The following ROS1 variants were observed in gnomAD, a reference collection of about 807,000 sequenced individuals.
ROS1 encodes the protein proto-oncogene tyrosine-protein kinase ROS.
Under a neutral mutation model 273.5 loss-of-function variants are expected in ROS1, and 263 were observed. The observed-to-expected ratio is 0.96, with a 90% CI of 0.87 to 1.06. ROS1 has a LOEUF of 1.06. Among genes scored for constraint, ROS1 ranks in the 50% least tolerant of loss-of-function variants. The pLI is 0.00. For synonymous variants in ROS1, 1,008 were observed against 954.1 expected (o/e 1.06, Z -1.04); for missense variants, 2,833 against 2,751.1 (o/e 1.03, Z -0.67).
At chr6:117,295,612 G>A (rs1562244872) in intron 43 of ROS1, among the ~76,000 whole-genome samples, 1 of 152,144 alleles carries the variant, frequency 6.6e-6, no homozygotes, top group Non-Finnish European at 1.5e-5. Flanking sequence ...TTAATAACCA[G>A]AATACATAGG....
intron 32 of ROS1, among the ~76,000 whole-genome samples, chr6:117,334,023 G>A (rs902107440): frequency 2.0e-5 from 3 of 152,020 alleles, no homozygotes; most frequent in Non-Finnish European, 4.4e-5. Flanking sequence ...AGAAATAAAG[G>A]GTATTCAAAT....
At chr6:117,359,371 T>C (rs1035097645) in intron 24 of ROS1, among the ~76,000 whole-genome samples, 104 of 152,170 alleles carry the variant, frequency 6.8e-4, no homozygotes, top group African/African-American at 2.5e-3. Flanking sequence ...GGGAACCCTA[T>C]GATGAGGTAT....
At chr6:117,312,146 T>C (rs1467585476) in intron 39 of ROS1, among the ~76,000 whole-genome samples, 1 of 152,150 alleles carries the variant, frequency 6.6e-6, no homozygotes, top group Non-Finnish European at 1.5e-5. Context: ...TGCAGTTCCT[T>C]ATACCTACTC....
At chr6:117,422,310 CA>C (rs35359902) in intron 1 of ROS1, among the ~76,000 whole-genome samples, 1 of 152,252 alleles carries the variant, frequency 6.6e-6, no homozygotes, top group Admixed American at 6.5e-5. Flanking sequence ...CGCACTTAAC[CA>C]AAAGTCATAC....
intron 43 of ROS1, among the ~76,000 whole-genome samples, chr6:117,296,099 C>A (rs1774220225): frequency 6.6e-6 from 1 of 152,126 alleles, no homozygotes; most frequent in Non-Finnish European, 1.5e-5. Context: ...AAGTGTCCAT[C>A]TGTAGATAAA....
At chr6:117,385,615 TG>T in intron 16 of ROS1, 67 bp downstream of exon 16, 1 of 1,363,354 alleles carries the variant, frequency 7.3e-7, no homozygotes, top group Non-Finnish European at 1.0e-6. Context: ...AAAAAGAAAT[TG>T]GTGTGCAAGT....
intron 21 of ROS1, among the ~76,000 whole-genome samples, chr6:117,363,957 T>A (rs1780005277): frequency 6.6e-6 from 1 of 152,206 alleles, no homozygotes. Context: ...TTTGGATAAT[T>A]TCCTGGCTAT....
At chr6:117,368,474 T>C (rs932673678) in intron 18 of ROS1, among the ~76,000 whole-genome samples, 1 of 152,134 alleles carries the variant, frequency 6.6e-6, no homozygotes, top group African/African-American at 2.4e-5. Context: ...AATTCTCAAG[T>C]TCGGAATATG....
chr6:117,398,075 C>CAAACACA (rs1405801742), intron 7 of ROS1, among the ~76,000 whole-genome samples: 2 of 152,168 alleles, frequency 1.3e-5, no homozygotes, highest in African/African-American at 4.8e-5. Context: ...AGCATCATTG[C>CAAACACA]ATCACTCCTC....
At chr6:117,366,514 G>A (rs1780259165) in intron 18 of ROS1, among the ~76,000 whole-genome samples, 1 of 151,766 alleles carries the variant, frequency 6.6e-6, no homozygotes, top group Non-Finnish European at 1.5e-5. Flanking sequence ...ATTTTCTGGG[G>A]GCTTTCCTTG....
At position 117,386,915 on chromosome 6, in the gene ROS1, A is replaced by G. The variant is rs747038362; in HGVS notation, c.2084T>C (p.Leu695Ser). 3.1e-6 allele frequency: 5 copies of G among 1,606,742 alleles called. No homozygotes were observed. Among genetic ancestry groups the G allele is most frequent in the Admixed American group, 3.3e-5 (2 of 59,854 alleles). Residue 695 changes from leucine to serine, a missense_variant, in exon 15 of 44, where the codon TTA (leucine) becomes TCA (serine). Transcript: ENST00000368507. ...TGACACATTTCCTATATCAGAGGAT[A>G]AGAACTCTCCTGGGCCAAAGCTATT... ...PLNSFGPGEFLSSDIGNVSDM... is the reference protein window; with the variant it reads ...PLNSFGPGEFSSSDIGNVSDM...
chr6:117,414,087 CT>C (rs1775146412), intron 4 of ROS1, among the ~76,000 whole-genome samples: 2 of 152,188 alleles, frequency 1.3e-5, no homozygotes, highest in South Asian at 2.1e-4. Flanking sequence ...AAAGGATTCT[CT>C]TTTAATGTCC....
chr6:117,377,330 C>T (rs898739923), intron 18 of ROS1, among the ~76,000 whole-genome samples: 10 of 152,038 alleles, frequency 6.6e-5, no homozygotes, highest in African/African-American at 1.9e-4. Flanking sequence ...AGGCTGGTCT[C>T]GAACTCCTGA....
intron 4 of ROS1, 55 bp downstream of exon 4, chr6:117,414,464 A>C: frequency 1.4e-6 from 1 of 726,890 alleles, no homozygotes; most frequent in Non-Finnish European, 2.5e-6. Flanking sequence ...CTTTTTAGAG[A>C]CCAGAGATGA....
intron 2 of ROS1, among the ~76,000 whole-genome samples, chr6:117,417,194 C>T (rs1464724411): frequency 2.0e-5 from 3 of 152,126 alleles, no homozygotes; most frequent in South Asian, 2.1e-4. Context: ...CCTACAAGCA[C>T]TTCAGATCCA....
At chr6:117,313,904 C>G (rs1322750071) in intron 39 of ROS1, among the ~76,000 whole-genome samples, 1 of 152,106 alleles carries the variant, frequency 6.6e-6, no homozygotes, top group Non-Finnish European at 1.5e-5. Flanking sequence ...CTAACGATGT[C>G]TCTATGGTTG....
chr6:117,399,611 T>C (rs1048857369), intron 7 of ROS1, among the ~76,000 whole-genome samples: 2 of 152,204 alleles, frequency 1.3e-5, no homozygotes, highest in Admixed American at 6.5e-5. Flanking sequence ...GCCTGGAGCA[T>C]GTCTTCCTGG....
chr6:117,316,140 C>T (rs1045293890), intron 39 of ROS1, among the ~76,000 whole-genome samples: 1 of 151,900 alleles, frequency 6.6e-6, no homozygotes, highest in African/African-American at 2.4e-5. Context: ...CTGTGTGTAG[C>T]GTGGTGAGGG....
intron 18 of ROS1, 49 bp from the exon 19 acceptor site, chr6:117,366,339 G>T: frequency 7.2e-7 from 1 of 1,385,488 alleles, no homozygotes; most frequent in Middle Eastern, 1.8e-4. Context: ...GTGGTGGAAG[G>T]GCTGGTCCAT....
Sources: allele counts gnomAD v4.1 joint callset (sites outside exome capture counted in the v4.1 genomes callset), GRCh38; gene constraint gnomAD v4.1.1; transcripts MANE v1.5; gene names NCBI Gene and HGNC (gene_info 2026-07-23, HGNC 2026-07-21).